SMCHD1: variants seen among roughly 807,000 people sequenced by gnomAD.
SMCHD1 encodes the protein structural maintenance of chromosomes flexible hinge domain-containing protein 1.
A neutral mutation model predicts 254.7 loss-of-function variants in SMCHD1; 78 were observed. That is an observed-to-expected ratio of 0.31 (90% confidence interval 0.26 to 0.37). SMCHD1 has a LOEUF of 0.37. SMCHD1 is among the 10% of genes least tolerant of loss of function. The pLI is 1.00. For missense variants in SMCHD1, 1,840 were observed against 2,408.1 expected, an observed-to-expected ratio of 0.76 and a Z score of 4.94; for synonymous variants, 766 against 794.9, an observed-to-expected ratio of 0.96 and a Z score of 0.61.
intron 20 of SMCHD1, among the ~76,000 whole-genome samples, chr18:2,723,171 GT>G (rs2074960604): frequency 1.3e-5 from 2 of 151,968 alleles, no homozygotes; most frequent in South Asian, 4.2e-4. Flanking sequence ...CATATTTTTA[GT>G]TGCTGTGAGT....
intron 5 of SMCHD1, among the ~76,000 whole-genome samples, chr18:2,676,651 C>T (rs2073756384): frequency 6.6e-6 from 1 of 152,124 alleles, no homozygotes; most frequent in Non-Finnish European, 1.5e-5. Context: ...TCCCTCACCC[C>T]ACCCTTTTTA....
intron 34 of SMCHD1, among the ~76,000 whole-genome samples, chr18:2,755,771 G>A: frequency 6.6e-6 from 1 of 151,296 alleles, no homozygotes; most frequent in East Asian, 2.0e-4. Context: ...GTTTCACTGT[G>A]TTAGCCAGGA....
At chr18:2,758,418 C>A (rs181094857) in intron 34 of SMCHD1, among the ~76,000 whole-genome samples, 2 of 152,104 alleles carry the variant, frequency 1.3e-5, no homozygotes, top group African/African-American at 2.4e-5. Context: ...TACTTCCATT[C>A]CCTTCTCCCA....
At chr18:2,713,420 T>C (rs979227131) in intron 17 of SMCHD1, among the ~76,000 whole-genome samples, 1 of 152,154 alleles carries the variant, frequency 6.6e-6, no homozygotes, top group African/African-American at 2.4e-5. Flanking sequence ...TCTCTATTGG[T>C]ACAAGTTGAG....
At chr18:2,783,126 CTATT>C (rs2076184512) in intron 44 of SMCHD1, among the ~76,000 whole-genome samples, 1 of 152,116 alleles carries the variant, frequency 6.6e-6, no homozygotes, top group African/African-American at 2.4e-5. Flanking sequence ...TATATGTATA[CTATT>C]TCATTGTATG....
At chr18:2,737,675 C>G (rs1304266791) in intron 25 of SMCHD1, among the ~76,000 whole-genome samples, 1 of 152,000 alleles carries the variant, frequency 6.6e-6, no homozygotes, top group Non-Finnish European at 1.5e-5. Flanking sequence ...TCATTGCACT[C>G]CAACCTGGGC....
intron 17 of SMCHD1, among the ~76,000 whole-genome samples, chr18:2,717,392 A>G (rs9965994): frequency 0.063 from 9,644 of 152,050 alleles, 632 homozygotes; most frequent in African/African-American, 0.16. Flanking sequence ...TGTTGCCCAG[A>G]CTGGTACCTT....
chr18:2,719,394 C>T (rs2074875263), intron 19 of SMCHD1, among the ~76,000 whole-genome samples: 1 of 151,506 alleles, frequency 6.6e-6, no homozygotes, highest in Non-Finnish European at 1.5e-5. Flanking sequence ...CTCCCAGGTT[C>T]AAGCGATTCT....
rs2075077095 is a variant in SMCHD1, at chr18:2,728,821, C to T, written c.2913+225C>T. ...TCATAAATTTGTGAATAAAAGTTTA[C>T]TCACCTCTCCTCTCTTGACTCCATG... On this transcript the variant is annotated intron_variant, in intron 23 of 47. Coordinates refer to ENST00000320876, the MANE Select transcript of SMCHD1 (RefSeq NM_015295.3). 3.6e-5 allele frequency: 15 copies of T among 412,824 alleles called. No homozygotes were observed. In the South Asian group the frequency reaches 6.5e-4, roughly 18 times the overall value. 25.6% of individuals were successfully genotyped at this position (412,824 alleles called of 1,614,324 possible). A position where few individuals can be genotyped will look rare whatever the true frequency, so the allele number is the denominator to read the frequency against.
intron 4 of SMCHD1, 89 bp from the exon 5 acceptor site, chr18:2,673,926 T>C: frequency 7.6e-7 from 1 of 1,308,730 alleles, no homozygotes; most frequent in Non-Finnish European, 1.0e-6. Context: ...TAAGTGAGCC[T>C]GTTGAATCAT....
chr18:2,736,391 A>G (rs2075249352), intron 25 of SMCHD1, among the ~76,000 whole-genome samples: 1 of 152,224 alleles, frequency 6.6e-6, no homozygotes, highest in Non-Finnish European at 1.5e-5. Flanking sequence ...GTTACAACAC[A>G]AACAAAAATT....
At chr18:2,795,055 G>GTTTTGT (rs1281438316) in intron 45 of SMCHD1, among the ~76,000 whole-genome samples, 5 of 147,206 alleles carry the variant, frequency 3.4e-5, no homozygotes, top group South Asian at 2.2e-4. Context: ...TTTTTGTTTT[G>GTTTTGT]TTTTGTTTTT....
At chr18:2,707,758 C>A in intron 16 of SMCHD1, 49 bp from the exon 17 acceptor site, 2 of 1,527,250 alleles carry the variant, frequency 1.3e-6, no homozygotes, top group South Asian at 1.2e-5. Flanking sequence ...TTGGCAGATT[C>A]AGCAAATTTT....
intron 34 of SMCHD1, among the ~76,000 whole-genome samples, chr18:2,759,803 C>G (rs890117273): frequency 2.0e-5 from 3 of 152,068 alleles, no homozygotes; most frequent in African/African-American, 7.2e-5. Context: ...CTCCTGACCT[C>G]AAGTGATCCG....
intron 8 of SMCHD1, among the ~76,000 whole-genome samples, chr18:2,696,028 A>G (rs1422357303): frequency 6.6e-6 from 1 of 152,234 alleles, no homozygotes; most frequent in African/African-American, 2.4e-5. Flanking sequence ...AGGATTATGA[A>G]GAAATATTGC....
At chr18:2,687,842 G>T (rs980142635) in intron 5 of SMCHD1, among the ~76,000 whole-genome samples, 1 of 152,014 alleles carries the variant, frequency 6.6e-6, no homozygotes, top group Non-Finnish European at 1.5e-5. Flanking sequence ...TTTAATAGTG[G>T]TTCCAGCCTC....
Position 2,751,229 on chromosome 18 carries a change from C to A in SMCHD1, c.4166-49C>A, listed in dbSNP as rs186699816. 7.2e-6 allele frequency: 7 copies of A among 968,112 alleles called. No homozygotes were observed. The Admixed American group carries it at 1.3e-4, about 17-fold the overall frequency. 60.0% of individuals were successfully genotyped at this position (968,112 alleles called of 1,614,324 possible). A position where few individuals can be genotyped will look rare whatever the true frequency, so the allele number is the denominator to read the frequency against. On this transcript the variant is annotated intron_variant, in intron 32 of 47. Coordinates refer to ENST00000320876, the MANE Select transcript of SMCHD1 (RefSeq NM_015295.3). ...AAGGCATACAATTATTTAACCATAT[C>A]CATTAATTGAACTAGAAAGAGATAA...
In SMCHD1 at chr18:2,760,696, T is replaced by G; in HGVS notation, c.4391T>G (p.Phe1464Cys). The change falls in exon 35 of 48, where the codon TTT (phenylalanine) becomes TGT (cysteine). Residue 1464 changes from phenylalanine (F) to cysteine (C), a missense_variant. Around this residue, in one of 9 missense-constraint regions of SMCHD1, gnomAD observed 881 missense variants for 1,009.5 expected, o/e 0.87. Transcript: ENST00000320876. ...AAAGTGGGGACATATTGTATCCAGTTTGGTTTTATGATGGATAAAACAAAT... is the reference window on the plus strand; with the variant it reads ...AAAGTGGGGACATATTGTATCCAGTGTGGTTTTATGATGGATAAAACAAAT... ...PNKVGTYCIQ[F>C]GFMMDKTNIL... 1 of 1,603,682 alleles carries G rather than the reference T, an allele frequency of 6.2e-7. No homozygotes were observed. The highest frequency in any genetic ancestry group is 8.5e-7 in the Non-Finnish European group (1 of 1,170,972).
chr18:2,795,184 G>T (rs1299500566), intron 45 of SMCHD1, among the ~76,000 whole-genome samples: 1 of 152,094 alleles, frequency 6.6e-6, no homozygotes, highest in Non-Finnish European at 1.5e-5. Context: ...CTCCCAAGTG[G>T]CTGGGACTAC....
Sources: gnomAD v4.1 joint callset for allele counts (sites outside exome capture counted in the v4.1 genomes callset) on GRCh38, gnomAD v4.1.1 for gene constraint, gnomAD v4.1.1 regional missense constraint, MANE v1.5 for transcripts, NCBI Gene and HGNC (gene_info 2026-07-23, HGNC 2026-07-21) for gene names.